MATR3: variants seen among roughly 807,000 people sequenced by gnomAD.
The protein encoded by MATR3 is matrin 3.
MATR3 carries 4 observed loss-of-function variants against 85.5 expected under a neutral mutation model. That is an observed-to-expected ratio of 0.05 (90% CI 0.02 to 0.11). The LOEUF (loss-of-function observed/expected upper bound fraction) is 0.11, where lower values mean the gene tolerates loss of function less well. Ranked by LOEUF, MATR3 falls within the 10% of genes least tolerant of loss-of-function variation. The pLI is 1.00. For missense variants in MATR3, 685 were observed against 1,016.1 expected (o/e 0.67, Z 4.43); for synonymous variants, 336 against 343.1 (o/e 0.98, Z 0.23).
In MATR3 at chr5:139,330,720, A is replaced by T. The variant is rs1489903245; in HGVS notation, c.*1325A>T. On this transcript the variant is annotated 3_prime_UTR_variant, in exon 15 of 15. Transcript: ENST00000394805. ...AACAGTACAATTGGAAGTAATACGGATGAGCAAGAATTAGTTCTGCAGCTT... is the reference window on the plus strand; with the variant it reads ...AACAGTACAATTGGAAGTAATACGGTTGAGCAAGAATTAGTTCTGCAGCTT... 2.2e-6 allele frequency: 1 copy of T among 454,012 alleles called. No individual in the cohort carries two copies. Among genetic ancestry groups the T allele is most frequent in the Non-Finnish European group, 4.4e-6 (1 of 226,790 alleles). The allele number at this position is 454,012 out of a possible 1,614,324, so 28.1% of individuals were successfully genotyped here. A position where few individuals can be genotyped will look rare whatever the true frequency, so the allele number is the denominator to read the frequency against.
Position 139,329,386 on chromosome 5 carries a change from G to C in MATR3, c.2535G>C (p.Lys845Asn). ...TGGCAGAAGAACGCAGACAGAAGAA[G>C]GAAACTTAAGATGTGCAAGGAGATT... is the stretch of plus-strand genomic sequence containing the variant. ...NKLAEERRQK[K>N]ET The change falls in exon 15 of 15, where the codon AAG becomes AAC. Residue 845 changes from lysine to asparagine, a missense_variant. Around this residue, in one of 9 missense-constraint regions of MATR3, gnomAD observed 45 missense variants for 82.5 expected, o/e 0.55. Coordinates refer to ENST00000394805, the MANE Select transcript of MATR3 (RefSeq NM_018834.6). 6.2e-7 allele frequency: 1 copy of C among 1,611,558 alleles called. No homozygotes were observed. The highest frequency in any genetic ancestry group is 8.5e-7 in the Non-Finnish European group (1 of 1,178,226).
chr5:139,327,271 AAT>A (rs1755898935), intron 14 of MATR3, among the ~76,000 whole-genome samples: 1 of 151,618 alleles, frequency 6.6e-6, no homozygotes, highest in Non-Finnish European at 1.5e-5. Flanking sequence ...TAATTTTGGA[AAT>A]AATTCAAGTT....
intron 1 of MATR3, among the ~76,000 whole-genome samples, chr5:139,298,830 T>C (rs1754293959): frequency 6.6e-6 from 1 of 152,136 alleles, no homozygotes; most frequent in Admixed American, 6.5e-5. Flanking sequence ...TTGTTCTTGG[T>C]AATGGCAAGA....
At chr5:139,317,137 TTA>T in intron 6 of MATR3, 32 bp downstream of exon 6, 1 of 1,606,014 alleles carries the variant, frequency 6.2e-7, no homozygotes, top group Non-Finnish European at 8.5e-7. Flanking sequence ...TTTACTGTAT[TTA>T]TGATTTTTGG....
At position 139,307,729 on chromosome 5, in the gene MATR3, C is replaced by A; in HGVS notation, c.314C>A (p.Ala105Glu). Reference protein sequence around the residue: ...LPLSSQHRGDADQASNILASF... With the variant: ...LPLSSQHRGDEDQASNILASF... ...TTATCTTCTCAACACCGTGGAGATG[C>A]AGACCAGGCCAGTAACATTTTGGCC... Residue 105 changes from alanine (A) to glutamate (E), a missense_variant, in exon 2 of 15, where the codon GCA becomes GAA. Physicochemically the swap from Ala to Glu is moderately radical, Grantham distance 107 (BLOSUM62 -1). Transcript: ENST00000394805. This position sits in a 1 kb window ranked among gnomAD's most constrained non-coding sequence, Gnocchi z 4.4. 1 of 1,614,118 alleles carries A rather than the reference C, an allele frequency of 6.2e-7. No individual in the cohort carries two copies. The highest frequency in any genetic ancestry group is 8.5e-7 in the Non-Finnish European group (1 of 1,180,018).
chr5:139,281,356 G>GTTTTTT (rs1371325133), intron 3 of MATR3, among the ~76,000 whole-genome samples: 4 of 101,036 alleles, frequency 4.0e-5, no homozygotes, highest in South Asian at 3.5e-4. Flanking sequence ...TTTTTTTTTT[G>GTTTTTT]TTTTTTTTTT....
rs1754809497 is a variant in MATR3, at chr5:139,308,287, A to G, written c.872A>G (p.His291Arg). Residue 291 changes from histidine (H) to arginine (R), a missense_variant, in exon 2 of 15, where the codon CAT (histidine) becomes CGT (arginine). His to Arg is a conservative substitution (Grantham distance 29). Around this residue, in one of 9 missense-constraint regions of MATR3, gnomAD observed 223 missense variants for 334.4 expected, o/e 0.67. Coordinates refer to ENST00000394805, the MANE Select transcript of MATR3 (RefSeq NM_018834.6). ...GGACTCTTACCGAAGGGTTATCCCCATCTGTGCTCTATATGTGATTTGCCA... is the reference window on the plus strand; with the variant it reads ...GGACTCTTACCGAAGGGTTATCCCCGTCTGTGCTCTATATGTGATTTGCCA... Reference protein sequence around the residue: ...FHGLLPKGYPHLCSICDLPVH... With the variant: ...FHGLLPKGYPRLCSICDLPVH... The G allele has an allele frequency of 1.2e-6, 2 of 1,613,996 alleles. No homozygotes were observed. Among genetic ancestry groups the G allele is most frequent in the Non-Finnish European group, 8.5e-7 (1 of 1,179,988 alleles).
intron 9 of MATR3, among the ~76,000 whole-genome samples, chr5:139,320,495 G>A (rs1016948154): frequency 6.6e-5 from 10 of 152,026 alleles, no homozygotes; most frequent in Non-Finnish European, 1.0e-4. Context: ...TTTTAGCTAC[G>A]GGAGTCTGAA....
chr5:139,301,351 ACT>A (rs1452105765), intron 1 of MATR3, among the ~76,000 whole-genome samples: 3 of 151,088 alleles, frequency 2.0e-5, no homozygotes, highest in Non-Finnish European at 3.0e-5. Context: ...ACAGAGTCTC[ACT>A]CTGTCACCCA....
chr5:139,292,841 G>A (rs1753923018), upstream of MATR3, among the ~76,000 whole-genome samples: 1 of 152,196 alleles, frequency 6.6e-6, no homozygotes, highest in Non-Finnish European at 1.5e-5. Flanking sequence ...TACTCCGGAG[G>A]CTGAGGCAGG....
intron 13 of MATR3, 62 bp downstream of exon 13, chr5:139,325,724 TA>T: frequency 6.9e-7 from 1 of 1,439,390 alleles, no homozygotes. Context: ...TCTTAGGTTT[TA>T]AAATAAGATT....
chr5:139,313,886 G>A (rs1755117709), intron 2 of MATR3: 1 of 152,202 alleles, frequency 6.6e-6, no homozygotes, highest in African/African-American at 2.4e-5. Flanking sequence ...AAAGCTGGAT[G>A]TGATTAAAGT....
intron 13 of MATR3, 30 bp downstream of exon 13, chr5:139,325,692 C>T (rs755382880): frequency 1.3e-6 from 2 of 1,559,346 alleles, no homozygotes; most frequent in Admixed American, 1.7e-5. Flanking sequence ...TCTTCACCTT[C>T]CTCACTCTCC....
intron 3 of MATR3, among the ~76,000 whole-genome samples, chr5:139,285,581 G>A (rs1356797022): frequency 1.3e-5 from 2 of 152,274 alleles, no homozygotes; most frequent in East Asian, 1.9e-4. Flanking sequence ...GCTGAGGCAG[G>A]AGAATTATTT....
At chr5:139,294,435 C>T in intron 1 of MATR3, 1 of 161,538 alleles carries the variant, frequency 6.2e-6, no homozygotes. Context: ...CGCTCCTTGC[C>T]CATCGCCTCA....
intron 9 of MATR3, among the ~76,000 whole-genome samples, chr5:139,319,860 C>CTT (rs58123057): frequency 0.011 from 479 of 44,160 alleles, 17 homozygotes; most frequent in Middle Eastern, 0.028. Context: ...AAAAAATTTG[C>CTT]TTTTTTTTTT....
chr5:139,288,681 C>T (rs1345320710), intron 3 of MATR3, among the ~76,000 whole-genome samples: 1 of 152,116 alleles, frequency 6.6e-6, no homozygotes, highest in Non-Finnish European at 1.5e-5. Context: ...CACTCTGTCG[C>T]CCAGGCTGGA....
chr5:139,303,296 T>C (rs1754546669), intron 1 of MATR3, among the ~76,000 whole-genome samples: 1 of 152,124 alleles, frequency 6.6e-6, no homozygotes, highest in Non-Finnish European at 1.5e-5. Flanking sequence ...GAGACGAGGT[T>C]TCACCATGTT....
chr5:139,320,714 TAC>T (rs1289521762), intron 9 of MATR3, among the ~76,000 whole-genome samples: 2 of 151,832 alleles, frequency 1.3e-5, no homozygotes, highest in Admixed American at 6.6e-5. Flanking sequence ...TTATTTTTCT[TAC>T]ACTATTTTAA....
Sources: gnomAD v4.1 joint callset for allele counts (sites outside exome capture counted in the v4.1 genomes callset) on GRCh38, gnomAD v4.1.1 for gene constraint, gnomAD v4.1.1 regional missense constraint, Gnocchi (gnomAD v3.1) non-coding constraint, MANE v1.5 for transcripts, NCBI Gene and HGNC (gene_info 2026-07-23, HGNC 2026-07-21) for gene names.